CAMKMT: variants seen among roughly 807,000 people sequenced by gnomAD.
CAMKMT encodes the protein CaM KMT.
Under a neutral mutation model 48.0 loss-of-function variants are expected in CAMKMT, and 53 were observed. The ratio of observed to expected loss-of-function variants is 1.10; its 90% CI spans 0.89 to 1.39. The LOEUF (loss-of-function observed/expected upper bound fraction) is 1.39. CAMKMT is among the 40% of genes most tolerant of loss of function. The pLI is 0.00. For synonymous variants in CAMKMT, 165 were observed against 152.3 expected, an observed-to-expected ratio of 1.08 and a Z score of -0.61; for missense variants, 428 against 402.7, an observed-to-expected ratio of 1.06 and a Z score of -0.54.
intron 3 of CAMKMT, among the ~76,000 whole-genome samples, chr2:44,700,894 C>T (rs1426150676): frequency 6.6e-6 from 1 of 152,154 alleles, no homozygotes; most frequent in East Asian, 1.9e-4. Flanking sequence ...CTACAAAGCA[C>T]AATAAAGAAA....
chr2:44,433,307 T>A (rs1386079059), intron 3 of CAMKMT, among the ~76,000 whole-genome samples: 1 of 152,200 alleles, frequency 6.6e-6, no homozygotes, highest in Non-Finnish European at 1.5e-5. Context: ...TGGACATTCA[T>A]GACTGATGCA....
intron 3 of CAMKMT, among the ~76,000 whole-genome samples, chr2:44,542,698 G>A (rs1293352798): frequency 6.6e-6 from 1 of 152,172 alleles, no homozygotes; most frequent in Non-Finnish European, 1.5e-5. Context: ...GGAGAGGGGA[G>A]GTTTCCTGGA....
chr2:44,478,725 G>A (rs1421204970), intron 3 of CAMKMT, among the ~76,000 whole-genome samples: 1 of 143,978 alleles, frequency 6.9e-6, no homozygotes, highest in Non-Finnish European at 1.5e-5. Context: ...TTTTTGAGAG[G>A]CGTCTCGCTC....
At chr2:44,401,530 C>G (rs1338085903) in intron 3 of CAMKMT, among the ~76,000 whole-genome samples, 1 of 151,310 alleles carries the variant, frequency 6.6e-6, no homozygotes. Context: ...GCACTCCAGA[C>G]TGGGTGACAG....
chr2:44,376,419 C>CAAAA (rs567674110), intron 2 of CAMKMT, among the ~76,000 whole-genome samples: 1 of 104,808 alleles, frequency 9.5e-6, no homozygotes, highest in Admixed American at 1.0e-4. Context: ...GACTCTGTAT[C>CAAAA]AAAAAAAAAA....
intron 3 of CAMKMT, among the ~76,000 whole-genome samples, chr2:44,555,832 A>C (rs967110042): frequency 6.6e-6 from 1 of 152,160 alleles, no homozygotes; most frequent in Non-Finnish European, 1.5e-5. Context: ...ACCATGTCAA[A>C]TCCTGCAGAG....
chr2:44,770,495 T>A (rs2104412267), intron 10 of CAMKMT, among the ~76,000 whole-genome samples: 1 of 152,380 alleles, frequency 6.6e-6, no homozygotes, highest in South Asian at 2.1e-4. Context: ...CTCTGTATAT[T>A]AGTGCATTGT....
At chr2:44,394,520 C>G (rs1338271243) in intron 3 of CAMKMT, among the ~76,000 whole-genome samples, 2 of 151,910 alleles carry the variant, frequency 1.3e-5, no homozygotes, top group Admixed American at 1.3e-4. Context: ...CTCTGCCTCC[C>G]AGGTTCAAGT....
At chr2:44,673,971 CCTT>C (rs147193331) in intron 3 of CAMKMT, among the ~76,000 whole-genome samples, 2,869 of 152,288 alleles carry the variant, frequency 0.019, 79 homozygotes, top group African/African-American at 0.064. Flanking sequence ...TAGCAAATCT[CCTT>C]CTTGCTGAAG....
intron 3 of CAMKMT, among the ~76,000 whole-genome samples, chr2:44,500,607 G>C (rs1669959066): frequency 6.6e-6 from 1 of 151,270 alleles, no homozygotes; most frequent in African/African-American, 2.4e-5. Flanking sequence ...TAAATTCTAT[G>C]AATTTATTAC....
At chr2:44,434,187 C>G (rs909617470) in intron 3 of CAMKMT, among the ~76,000 whole-genome samples, 1 of 151,438 alleles carries the variant, frequency 6.6e-6, no homozygotes, top group Admixed American at 6.6e-5. Flanking sequence ...TGAAAAGAAA[C>G]CAAGTATTCA....
At chr2:44,514,990 G>C (rs1007484071) in intron 3 of CAMKMT, among the ~76,000 whole-genome samples, 1 of 152,192 alleles carries the variant, frequency 6.6e-6, no homozygotes, top group Non-Finnish European at 1.5e-5. Flanking sequence ...AAGTTGGGTA[G>C]TCCTGTGTAG....
At chr2:44,366,532 A>G (rs1463689526) in intron 1 of CAMKMT, among the ~76,000 whole-genome samples, 1 of 152,152 alleles carries the variant, frequency 6.6e-6, no homozygotes, top group Non-Finnish European at 1.5e-5. Context: ...AATAGTTGTC[A>G]TATAAGTCTT....
intron 3 of CAMKMT, among the ~76,000 whole-genome samples, chr2:44,611,819 C>T (rs1290483638): frequency 6.6e-6 from 1 of 151,906 alleles, no homozygotes; most frequent in African/African-American, 2.4e-5. Context: ...GGAGCAGGCA[C>T]ATCACATGGC....
At chr2:44,754,985 A>G (rs1271035524) in intron 9 of CAMKMT, among the ~76,000 whole-genome samples, 3 of 152,198 alleles carry the variant, frequency 2.0e-5, no homozygotes, top group Non-Finnish European at 4.4e-5. Flanking sequence ...GTGTGTTTCT[A>G]AAGTATTTTT....
At chr2:44,705,106 C>T (rs1437445390) in intron 4 of CAMKMT, among the ~76,000 whole-genome samples, 1 of 152,104 alleles carries the variant, frequency 6.6e-6, no homozygotes, top group East Asian at 1.9e-4. Flanking sequence ...TGTGTTTTAA[C>T]CGTATGTACT....
At chr2:44,704,146 T>A in intron 3 of CAMKMT, 137 bp from the exon 4 acceptor site, 3 of 476,148 alleles carry the variant, frequency 6.3e-6, no homozygotes, top group Non-Finnish European at 1.1e-5. Context: ...AAGACACCCG[T>A]GACATGACAT....
At chr2:44,663,957 A>C (rs1222664909) in intron 3 of CAMKMT, among the ~76,000 whole-genome samples, 1 of 152,152 alleles carries the variant, frequency 6.6e-6, no homozygotes, top group Non-Finnish European at 1.5e-5. Flanking sequence ...GAGAAAAAAA[A>C]ATAAAGGAGA....
intron 3 of CAMKMT, among the ~76,000 whole-genome samples, chr2:44,406,760 C>G (rs1346593999): frequency 6.6e-6 from 1 of 152,018 alleles, no homozygotes; most frequent in Non-Finnish European, 1.5e-5. Flanking sequence ...CCAGGCCCTG[C>G]TTGTTTTTTG....
Sources: allele counts gnomAD v4.1 joint callset (sites outside exome capture counted in the v4.1 genomes callset), GRCh38; gene constraint gnomAD v4.1.1; transcripts MANE v1.5; gene names NCBI Gene and HGNC (gene_info 2026-07-23, HGNC 2026-07-21).